Variants in PTPN20 observed in about 807,000 individuals in gnomAD.
PTPN20 encodes tyrosine-protein phosphatase non-receptor type 20.
Under a neutral mutation model 35.0 loss-of-function variants are expected in PTPN20, and 9 were observed. The ratio of observed to expected loss-of-function variants is 0.26; its 90% CI spans 0.15 to 0.45. The LOEUF (loss-of-function observed/expected upper bound fraction) is 0.45, where lower values mean the gene tolerates loss of function less well. PTPN20 is among the 20% of genes least tolerant of loss of function. The probability of loss-of-function intolerance (pLI) is 1.00; values close to 1 mark genes in which losing one functional copy is unlikely to be tolerated. For synonymous variants in PTPN20, 32 were observed against 100.2 expected (o/e 0.32, Z 4.06); for missense variants, 111 against 312.5 (o/e 0.36, Z 4.86).
At chr10:46,936,219 G>T (rs1407274333) in intron 2 of PTPN20, among the ~76,000 whole-genome samples, 2 of 151,838 alleles carry the variant, frequency 1.3e-5, no homozygotes, top group Non-Finnish European at 2.9e-5. Context: ...GTTCTGCCAG[G>T]TTTTGGTATC....
At chr10:46,983,065 C>CTTTTT (rs74898545) in intron 7 of PTPN20, among the ~76,000 whole-genome samples, 48 of 101,894 alleles carry the variant, frequency 4.7e-4, no homozygotes, top group Non-Finnish European at 5.6e-4. Context: ...ATATATCTAG[C>CTTTTT]TTTTTTTTTT....
intron 1 of PTPN20, among the ~76,000 whole-genome samples, 173 bp from the exon 2 acceptor site, chr10:46,932,204 C>T (rs2039888130): frequency 6.6e-6 from 1 of 151,974 alleles, no homozygotes; most frequent in Admixed American, 6.6e-5. Flanking sequence ...AGCGTATCTC[C>T]AGTTCTCAAG....
rs781919560 is a variant in PTPN20, at chr10:46,999,972, A to C, written c.1195A>C (p.Lys399Gln). Residue 399 changes from lysine to glutamine, a missense_variant and splice_region_variant, in exon 10 of 11, where the codon AAG becomes CAG. Lys to Gln is a moderately conservative substitution (Grantham distance 53, BLOSUM62 1). This residue lies in a region of PTPN20 where 61 missense variants were observed against 54.3 expected (regional missense o/e 1.12). Coordinates refer to ENST00000374339, the MANE Select transcript of PTPN20 (RefSeq NM_001042357.5). ...REQRSGMVQT[K>Q]EQYHFCYDIV... Reference sequence around the variant, plus strand: ...ACAACGTTCTGGCATGGTTCAAACGAAGGTAAGCTTTCACCACATACATAA... The same window carrying C: ...ACAACGTTCTGGCATGGTTCAAACGCAGGTAAGCTTTCACCACATACATAA... 108 of 1,613,694 alleles carry C rather than the reference A, an allele frequency of 6.7e-5. No homozygotes were observed. Among genetic ancestry groups the C allele is most frequent in the Non-Finnish European group, 8.9e-5 (105 of 1,179,730 alleles).
chr10:46,941,569 G>A (rs1442612694), intron 3 of PTPN20, among the ~76,000 whole-genome samples: 6 of 124,870 alleles, frequency 4.8e-5, no homozygotes, highest in Non-Finnish European at 8.0e-5. Context: ...AAGCAGAGAC[G>A]ATTTGAAAGG....
chr10:46,952,907 C>T (rs1421317483), intron 5 of PTPN20, among the ~76,000 whole-genome samples: 1 of 148,882 alleles, frequency 6.7e-6, no homozygotes, highest in Non-Finnish European at 1.5e-5. Flanking sequence ...ATATGAGGAA[C>T]CCAAAATGTC....
intron 7 of PTPN20, among the ~76,000 whole-genome samples, 167 bp from the exon 8 acceptor site, chr10:46,984,063 A>G (rs2056335173): frequency 6.6e-6 from 1 of 152,014 alleles, no homozygotes; most frequent in Non-Finnish European, 1.5e-5. Context: ...TTCAGGGAGG[A>G]AATAATTTAA....
chr10:46,988,865 T>C (rs1403218412), intron 9 of PTPN20, among the ~76,000 whole-genome samples: 1 of 151,218 alleles, frequency 6.6e-6, no homozygotes, highest in East Asian at 1.9e-4. Flanking sequence ...TTTTAATAGC[T>C]ATTGTAAATA....
At position 46,983,139 on chromosome 10, in the gene PTPN20, C is replaced by T. The variant is rs1382965762; in HGVS notation, c.584-1091C>T. ...TCACCCAGGCTGAAGTACAGTGGCG[C>T]GGTCTCAGATCACTGCAGCCTCCGC... On this transcript the variant is annotated intron_variant, in intron 7 of 10. Coordinates refer to ENST00000374339, the MANE Select transcript of PTPN20 (RefSeq NM_001042357.5). Among the ~76,000 whole-genome samples the T allele has an allele frequency of 4.0e-5, 6 of 148,188 alleles. No individual in the cohort carries two copies. The South Asian group carries it at 1.1e-3, about 27-fold the overall frequency.
chr10:46,911,469 A>C lies in PTPN20; in HGVS notation c.-156A>C. 1.0e-5 allele frequency: 3 copies of C among 295,064 alleles called. No individual in the cohort carries two copies. Among genetic ancestry groups the C allele is most frequent in the Non-Finnish European group, 2.0e-5 (3 of 153,102 alleles). The allele number at this position is 295,064 out of a possible 1,614,324, so 18.3% of individuals were successfully genotyped here. On this transcript the variant is annotated 5_prime_UTR_variant, in exon 1 of 11. Transcript: ENST00000374339. ...CAACTGGCGAGGCTGCTGGGGTTGC[A>C]GCGGGACAGTTGGGGCGGCCCCGCA...
Position 47,000,774 on chromosome 10 carries a change from C to T in PTPN20, c.*33C>T. The stretch of plus-strand genomic sequence containing the variant: ...TTCTGTTGCCTCTCACTTGAAATTA[C>T]CAAGTGGGTTTGCACCTCCTCATAA... On this transcript the variant is annotated 3_prime_UTR_variant, in exon 11 of 11. Transcript: ENST00000374339. 6.2e-7 allele frequency: 1 copy of T among 1,611,330 alleles called. No individual in the cohort carries two copies. The highest frequency in any genetic ancestry group is 1.7e-5 in the Admixed American group (1 of 59,988).
At chr10:46,998,981 A>G (rs1353078731) in intron 9 of PTPN20, among the ~76,000 whole-genome samples, 45 of 151,980 alleles carry the variant, frequency 3.0e-4, no homozygotes, top group Non-Finnish European at 2.9e-5. Flanking sequence ...GAACGCACCT[A>G]TAGTTCTTGC....
intron 2 of PTPN20, among the ~76,000 whole-genome samples, chr10:46,939,646 A>G (rs1183800047): frequency 6.6e-6 from 1 of 150,452 alleles, no homozygotes; most frequent in Non-Finnish European, 1.5e-5. Context: ...TTTGGCTTCT[A>G]TGATTGAATA....
At chr10:46,918,785 T>C (rs1198686768) in intron 1 of PTPN20, among the ~76,000 whole-genome samples, 7 of 130,836 alleles carry the variant, frequency 5.4e-5, no homozygotes, top group Admixed American at 5.2e-4. Context: ...GCCCAGAATA[T>C]GGACTATCCT....
At chr10:46,993,434 G>A (rs2058389810) in intron 9 of PTPN20, among the ~76,000 whole-genome samples, 1 of 152,222 alleles carries the variant, frequency 6.6e-6, no homozygotes, top group African/African-American at 2.4e-5. Context: ...CCTACAGATG[G>A]TTTGTTGATG....
chr10:46,929,829 T>C (rs1428347358), intron 1 of PTPN20, among the ~76,000 whole-genome samples: 3 of 146,678 alleles, frequency 2.0e-5, no homozygotes, highest in Non-Finnish European at 2.9e-5. Context: ...CTTCTGCAAA[T>C]GAAGATTTTG....
intron 10 of PTPN20, 48 bp from the exon 11 acceptor site, chr10:47,000,628 T>G: frequency 1.2e-6 from 2 of 1,603,216 alleles, no homozygotes; most frequent in Middle Eastern, 1.7e-4. Flanking sequence ...GTGGATTCTG[T>G]TATTCAATTA....
chr10:46,915,962 A>G, intron 1 of PTPN20, among the ~76,000 whole-genome samples: 1 of 14,260 alleles, frequency 7.0e-5, no homozygotes, highest in Admixed American at 6.8e-4. Context: ...TGCAGCTGAA[A>G]TTGGGAATCA....
chr10:46,992,701 C>G (rs1441092596), intron 9 of PTPN20, among the ~76,000 whole-genome samples: 5 of 152,148 alleles, frequency 3.3e-5, no homozygotes, highest in African/African-American at 1.2e-4. Context: ...CACCCAGATT[C>G]TGAGTTCTAT....
intron 1 of PTPN20, chr10:46,926,136 C>G: frequency 1.0e-6 from 1 of 985,312 alleles, no homozygotes. Context: ...AGGTGAGTCT[C>G]AGGTGGGAGG....
Sources: allele counts gnomAD v4.1 joint callset (sites outside exome capture counted in the v4.1 genomes callset), GRCh38; gene constraint gnomAD v4.1.1; regional missense constraint gnomAD v4.1.1; transcripts MANE v1.5; gene names NCBI Gene and HGNC (gene_info 2026-07-23, HGNC 2026-07-21).